The following TUBA1B variants were observed in gnomAD, a reference collection of about 807,000 sequenced individuals.
TUBA1B encodes tubulin alpha 1b, also known as tubulin alpha-1B chain.
TUBA1B carries 1 observed loss-of-function variant against 34.4 expected under a neutral mutation model. The observed-to-expected ratio is 0.03, with a 90% CI of 0.01 to 0.14. The LOEUF is 0.14. Ranked by LOEUF, TUBA1B falls within the 10% of genes least tolerant of loss-of-function variation. The pLI is 1.00. For synonymous variants in TUBA1B, 197 were observed against 212.5 expected, an observed-to-expected ratio of 0.93 and a Z score of 0.64; for missense variants, 54 against 583.6, an observed-to-expected ratio of 0.09 and a Z score of 9.35.
rs540756706 is a variant in TUBA1B, at chr12:49,130,600, A to C, written c.3+698T>G. 3.6e-4 allele frequency: 125 copies of C among 347,132 alleles called. 3 individuals are homozygous for C. Among genetic ancestry groups the C allele is most frequent in the South Asian group, 2.6e-3 (122 of 46,658 alleles). 21.5% of individuals were successfully genotyped at this position (347,132 alleles called of 1,614,324 possible). A position where few individuals can be genotyped will look rare whatever the true frequency, so the allele number is the denominator to read the frequency against. ...CTTACTGCCACCACCTGCTCCCCTGAATTCCTAACGCAGCAGGGAGAGACA... is the reference window on the plus strand; with the variant it reads ...CTTACTGCCACCACCTGCTCCCCTGCATTCCTAACGCAGCAGGGAGAGACA... On this transcript the variant is annotated intron_variant, in intron 1 of 3. Coordinates refer to ENST00000336023, the MANE Select transcript of TUBA1B (RefSeq NM_006082.3).
At chr12:49,130,380 C>G (rs1941788955) in intron 1 of TUBA1B, 1 of 1,285,626 alleles carries the variant, frequency 7.8e-7, no homozygotes, top group African/African-American at 1.5e-5. Context: ...TCCGGGCGCG[C>G]GCTCTTGCGC....
At chr12:49,130,683 A>ACCGTAT in intron 1 of TUBA1B, 1 of 218,010 alleles carries the variant, frequency 4.6e-6, no homozygotes, top group Non-Finnish European at 9.7e-6. Flanking sequence ...GTAGAGCGGT[A>ACCGTAT]CATTGACAGG....
chr12:49,127,861 G>C lies in TUBA1B; in HGVS notation c.*97C>G, dbSNP rs1316030770. On this transcript the variant is annotated 3_prime_UTR_variant, in exon 4 of 4. Transcript: ENST00000336023. The stretch of plus-strand genomic sequence containing the variant: ...CATGGAAAAGACATGATCACCAAGT[G>C]AAAACAATCTAACCAGAAAGCTTTA... The C allele has an allele frequency of 8.3e-6, 13 of 1,571,240 alleles. 1 individual carries two copies. The highest frequency in any genetic ancestry group is 4.5e-5 in the East Asian group (2 of 44,672).
intron 1 of TUBA1B, chr12:49,130,475 T>C (rs990798122): frequency 2.9e-6 from 2 of 683,672 alleles, no homozygotes; most frequent in African/African-American, 1.8e-5. Context: ...CCTGCCGGCA[T>C]CGGGCTCAGC....
In TUBA1B at chr12:49,128,857, G is replaced by A; in HGVS notation, c.457C>T (p.Leu153Phe). The A allele has an allele frequency of 6.2e-7, 1 of 1,614,146 alleles. No individual in the cohort carries two copies. The highest frequency in any genetic ancestry group is 8.5e-7 in the Non-Finnish European group (1 of 1,180,040). Residue 153 changes from leucine to phenylalanine, a missense_variant, in exon 4 of 4, where the codon CTC becomes TTC. Physicochemically the swap from Leu to Phe is conservative, Grantham distance 22. Around this residue, in one of 3 missense-constraint regions of TUBA1B, gnomAD observed 28 missense variants for 203.8 expected, o/e 0.14. Transcript: ENST00000336023. This position sits in a 1 kb window ranked among gnomAD's most constrained non-coding sequence, Gnocchi z 8.1. ...GGTGSGFTSLLMERLSVDYGK... is the reference protein window; with the variant it reads ...GGTGSGFTSLFMERLSVDYGK... ...TAATCAACTGAGAGACGTTCCATGAGCAGGGAGGTGAACCCAGAACCAGTT... is the reference window on the plus strand; with the variant it reads ...TAATCAACTGAGAGACGTTCCATGAACAGGGAGGTGAACCCAGAACCAGTT...
chr12:49,130,452 C>A, intron 1 of TUBA1B: 4 of 923,068 alleles, frequency 4.3e-6, no homozygotes, highest in Non-Finnish European at 4.5e-6. Context: ...CCCAAGCCGC[C>A]CATCCTCCCT....
chr12:49,130,494 TC>T, intron 1 of TUBA1B: 1 of 467,050 alleles, frequency 2.1e-6, no homozygotes, highest in Non-Finnish European at 3.7e-6. Flanking sequence ...GCCTAACACC[TC>T]CACAGCAGTC....
At position 49,131,247 on chromosome 12, in the gene TUBA1B, C is replaced by A. The variant is rs748256060; in HGVS notation, c.3+51G>T. 3.2e-6 allele frequency: 5 copies of A among 1,587,242 alleles called. No homozygotes were observed. The Admixed American group carries it at 9.0e-5, about 29-fold the overall frequency. On this transcript the variant is annotated intron_variant, in intron 1 of 3. Transcript: ENST00000336023. Reference sequence around the variant, plus strand: ...ACAGGGCCCCAGCGCCCCGCCGGCTCGCTTTTCCCTGCTTCCCTGAAAGCA... The same window carrying A: ...ACAGGGCCCCAGCGCCCCGCCGGCTAGCTTTTCCCTGCTTCCCTGAAAGCA...
intron 1 of TUBA1B, chr12:49,129,994 C>T: frequency 9.8e-7 from 1 of 1,016,164 alleles, no homozygotes; most frequent in East Asian, 2.8e-5. Context: ...GTTACCTAGG[C>T]TACTCACGTA....
In TUBA1B at chr12:49,127,795, GACTTT is replaced by G. The variant is rs1008039303; in HGVS notation, c.*158_*162del. 85 of 1,143,256 alleles carry G rather than the reference GACTTT, an allele frequency of 7.4e-5. No homozygotes were observed. The highest frequency in any genetic ancestry group is 2.4e-4 in the Middle Eastern group (1 of 4,118). The allele number at this position is 1,143,256 out of a possible 1,614,324, so 70.8% of individuals were successfully genotyped here. A position where few individuals can be genotyped will look rare whatever the true frequency, so the allele number is the denominator to read the frequency against. On this transcript the variant is annotated 3_prime_UTR_variant, in exon 4 of 4. Transcript: ENST00000336023. ...AGGAAACAAAGCTTTTGATGTTAAT[GACTTT>G]ACTTTGAGATATGATGGAAAAATAT...
intron 1 of TUBA1B, chr12:49,130,468 G>A: frequency 1.4e-6 from 1 of 736,440 alleles, no homozygotes; most frequent in Non-Finnish European, 2.0e-6. Context: ...TCCCTTGCCT[G>A]CCGGCATCGG....
chr12:49,130,518 G>A, intron 1 of TUBA1B: 2 of 393,638 alleles, frequency 5.1e-6, no homozygotes, highest in South Asian at 3.9e-5. Flanking sequence ...AGCGCAGTAG[G>A]AGATTATCGG....
chr12:49,129,794 A>C, intron 1 of TUBA1B, 72 bp from the exon 2 acceptor site: 6 of 1,601,604 alleles, frequency 3.7e-6, no homozygotes, highest in Non-Finnish European at 5.1e-6. Context: ...CAAAATACTC[A>C]TGCAATCTTT....
chr12:49,129,412 G>A (rs2004798), intron 2 of TUBA1B, 22 bp from the exon 3 acceptor site: 25,817 of 1,614,082 alleles, frequency 0.016, 737 homozygotes, highest in African/African-American at 0.11. Flanking sequence ...AGAGAAGGAC[G>A]GAGGGAGTGA....
intron 1 of TUBA1B, chr12:49,129,941 G>A: frequency 7.7e-6 from 8 of 1,039,488 alleles, no homozygotes; most frequent in Non-Finnish European, 9.4e-6. Context: ...CCACCAAGCT[G>A]GCTAATTTTT....
Position 49,128,005 on chromosome 12 carries a change from C to T in TUBA1B, c.1309G>A (p.Val437Met). The change falls in exon 4 of 4, where the codon GTG becomes ATG. Residue 437 changes from valine (V) to methionine (M), a missense_variant. By Grantham distance (21) the Val-to-Met change is conservative (BLOSUM62 1). Around this residue, in one of 3 missense-constraint regions of TUBA1B, gnomAD observed 6 missense variants for 17.0 expected, o/e 0.35. Transcript: ENST00000336023. This position sits in a 1 kb window ranked among gnomAD's most constrained non-coding sequence, Gnocchi z 8.1. ...ALEKDYEEVG[V>M]DSVEGEGEEE... ...TCACCCTCTCCTTCAACAGAATCCA[C>T]ACCAACCTCCTCATAATCCTTCTCA... The T allele has an allele frequency of 6.2e-7, 1 of 1,614,198 alleles. No homozygotes were observed. The highest frequency in any genetic ancestry group is 8.5e-7 in the Non-Finnish European group (1 of 1,180,038).
At chr12:49,130,925 G>C (rs1390864439) in intron 1 of TUBA1B, 1 of 192,818 alleles carries the variant, frequency 5.2e-6, no homozygotes, top group East Asian at 1.3e-4. Context: ...GGCTGGAAGA[G>C]TCCGCGCGCG....
chr12:49,127,892 T>C lies in TUBA1B; in HGVS notation c.*66A>G, dbSNP rs568873682. ...AATCTAACCAGAAAGCTTTAACGTCTGTCAGTTAAGCTGAAGCTGAAATTC... is the reference window on the plus strand; with the variant it reads ...AATCTAACCAGAAAGCTTTAACGTCCGTCAGTTAAGCTGAAGCTGAAATTC... On this transcript the variant is annotated 3_prime_UTR_variant, in exon 4 of 4. Transcript: ENST00000336023. 6.0e-5 allele frequency: 96 copies of C among 1,610,414 alleles called. No individual in the cohort carries two copies. Among genetic ancestry groups the C allele is most frequent in the African/African-American group, 2.9e-4 (22 of 74,920 alleles).
intron 1 of TUBA1B, chr12:49,130,443 C>T: frequency 9.9e-7 from 1 of 1,007,352 alleles, no homozygotes; most frequent in Non-Finnish European, 1.4e-6. Flanking sequence ...AAGGCGCTGC[C>T]CAAGCCGCCC....
Sources: allele counts gnomAD v4.1 joint callset, GRCh38; gene constraint gnomAD v4.1.1; regional missense constraint gnomAD v4.1.1; non-coding constraint Gnocchi (gnomAD v3.1); transcripts MANE v1.5; gene names NCBI Gene and HGNC (gene_info 2026-07-23, HGNC 2026-07-21).